The following TMTC1 variants were observed in gnomAD, a reference collection of about 807,000 sequenced individuals.
The protein encoded by TMTC1 is transmembrane O-mannosyltransferase targeting cadherins 1.
A neutral mutation model predicts 104.8 loss-of-function variants in TMTC1; 73 were observed. The observed-to-expected ratio is 0.70, with a 90% CI of 0.58 to 0.85. The LOEUF (loss-of-function observed/expected upper bound fraction) is 0.85, where lower values mean the gene tolerates loss of function less well. TMTC1 is among the 40% of genes least tolerant of loss of function. TMTC1 has a pLI of 0.00. For missense variants in TMTC1, 1,035 were observed against 1,096.1 expected, an observed-to-expected ratio of 0.94 and a Z score of 0.79; for synonymous variants, 434 against 428.7, an observed-to-expected ratio of 1.01 and a Z score of -0.15.
At chr12:29,567,162 A>G (rs1395015188) in intron 9 of TMTC1, among the ~76,000 whole-genome samples, 1 of 152,176 alleles carries the variant, frequency 6.6e-6, no homozygotes, top group Non-Finnish European at 1.5e-5. Context: ...ATTCTACTCA[A>G]CATCTCCTTT....
chr12:29,522,474 T>C (rs299431), intron 11 of TMTC1, among the ~76,000 whole-genome samples: 46,261 of 152,088 alleles, frequency 0.3, 7,295 homozygotes, highest in African/African-American at 0.33. Context: ...AATTTAAAGA[T>C]GAATTAAAGT....
At position 29,502,563 on chromosome 12, in the gene TMTC1, A is replaced by T. The variant is rs368472731; in HGVS notation, c.*4283T>A. ...TGAGAACGAGGAATTGTGTCATTTT[A>T]AGGCCAAATTGCAGTCCAATTGCCA... is the stretch of plus-strand genomic sequence containing the variant. On this transcript the variant is annotated 3_prime_UTR_variant, in exon 18 of 18. Coordinates refer to ENST00000539277, the MANE Select transcript of TMTC1 (RefSeq NM_001193451.2). The T allele has an allele frequency of 1.4e-4, 22 of 152,308 alleles. No individual in the cohort carries two copies. In the South Asian group the frequency reaches 2.1e-3, roughly 14 times the overall value. 9.4% of individuals were successfully genotyped at this position (152,308 alleles called of 1,614,324 possible).
At chr12:29,642,292 G>C (rs1565731726) in intron 5 of TMTC1, among the ~76,000 whole-genome samples, 1 of 152,138 alleles carries the variant, frequency 6.6e-6, no homozygotes. Context: ...TTGTCATCAG[G>C]TTATCCAAAG....
At chr12:29,623,633 C>T (rs377298721) in intron 6 of TMTC1, among the ~76,000 whole-genome samples, 28 of 151,968 alleles carry the variant, frequency 1.8e-4, no homozygotes, top group South Asian at 4.1e-4. Context: ...GCCAACTTGG[C>T]GAAACCCTGT....
intron 8 of TMTC1, among the ~76,000 whole-genome samples, chr12:29,579,998 A>G: frequency 6.6e-6 from 1 of 152,166 alleles, no homozygotes; most frequent in East Asian, 1.9e-4. Context: ...CTCTGATAAT[A>G]CACAAGTGCT....
chr12:29,659,858 T>TA lies in TMTC1; in HGVS notation c.939-26523dup, dbSNP rs112566586. ...AAATTATCTAATAAATACCAAGTTT[T>TA]AAAAAAATTATTTATACTAACCTCG... On this transcript the variant is annotated intron_variant, in intron 5 of 17. Coordinates refer to ENST00000539277, the MANE Select transcript of TMTC1 (RefSeq NM_001193451.2). The TA allele has an allele frequency of 1.2e-3, 1,799 of 1,499,018 alleles. 31 individuals carry two copies. The African/African-American group carries it at 0.023, about 19-fold the overall frequency. The allele number at this position is 1,499,018 out of a possible 1,614,324, so 92.9% of individuals were successfully genotyped here.
At chr12:29,643,794 T>TA (rs1939075577) in intron 5 of TMTC1, among the ~76,000 whole-genome samples, 1 of 55,618 alleles carries the variant, frequency 1.8e-5, no homozygotes, top group African/African-American at 5.8e-5. Context: ...TATATATTTA[T>TA]ATACATATTT....
rs1244269616 is a variant in TMTC1 at position 29,758,775 on chromosome 12, C to CAAGG, written c.482_483insCCTT (p.Ala162LeufsTer73). ...CGTCCGCTCTGCCAACGATCCCAGC[C>CAAGG]ACCTTGGAAGTTAAAATAATAAAAA... On this transcript the variant is annotated frameshift_variant and splice_region_variant, in exon 3 of 18. Coordinates refer to ENST00000539277, the MANE Select transcript of TMTC1 (RefSeq NM_001193451.2). LOFTEE classifies it high-confidence loss of function. 1 of 1,603,056 alleles carries CAAGG rather than the reference C, an allele frequency of 6.2e-7. No individual in the cohort carries two copies. The highest frequency in any genetic ancestry group is 8.5e-7 in the Non-Finnish European group (1 of 1,176,106).
intron 5 of TMTC1, among the ~76,000 whole-genome samples, chr12:29,704,599 C>A (rs1310014925): frequency 6.6e-6 from 1 of 152,168 alleles, no homozygotes; most frequent in Non-Finnish European, 1.5e-5. Flanking sequence ...GAGGCCTAAT[C>A]TAATACACTG....
At chr12:29,558,528 G>A (rs1249551235) in intron 9 of TMTC1, among the ~76,000 whole-genome samples, 1 of 152,100 alleles carries the variant, frequency 6.6e-6, no homozygotes, top group East Asian at 1.9e-4. Context: ...ATATTTCCAG[G>A]AAGGCACTCT....
At chr12:29,698,344 T>C (rs942879760) in intron 5 of TMTC1, among the ~76,000 whole-genome samples, 7 of 152,220 alleles carry the variant, frequency 4.6e-5, no homozygotes, top group Non-Finnish European at 1.0e-4. Context: ...ATTGGGTTAA[T>C]GGGTGATCAC....
At chr12:29,600,008 A>ATATATATATATATTT (rs59108744) in intron 7 of TMTC1, among the ~76,000 whole-genome samples, 4 of 118,686 alleles carry the variant, frequency 3.4e-5, no homozygotes, top group African/African-American at 1.5e-4. Context: ...ATATATATAT[A>ATATATATATATATTT]TTTTTTTTTT....
rs1319894607 is a variant in TMTC1 at position 29,583,340 on chromosome 12, G to T, written c.1418+67C>A. ...CTGCCAGGCCCATGTTACCTCATTT[G>T]TTTGGAAACAATTTGTAAGCAAAGA... On this transcript the variant is annotated intron_variant, in intron 8 of 17. Coordinates refer to ENST00000539277, the MANE Select transcript of TMTC1 (RefSeq NM_001193451.2). 4 of 1,508,090 alleles carry T rather than the reference G, an allele frequency of 2.7e-6. No individual in the cohort carries two copies. In the East Asian group the frequency reaches 7.0e-5, roughly 26 times the overall value. The allele number at this position is 1,508,090 out of a possible 1,614,324, so 93.4% of individuals were successfully genotyped here. A position where few individuals can be genotyped will look rare whatever the true frequency, so the allele number is the denominator to read the frequency against.
At chr12:29,518,695 T>C in intron 12 of TMTC1, 88 bp from the exon 13 acceptor site, 1 of 1,494,462 alleles carries the variant, frequency 6.7e-7, no homozygotes, top group Non-Finnish European at 9.0e-7. Context: ...CTTATAATTC[T>C]TTCTCATTAT....
intron 5 of TMTC1, among the ~76,000 whole-genome samples, chr12:29,742,786 A>C (rs193265171): frequency 5.9e-5 from 9 of 152,302 alleles, no homozygotes; most frequent in Middle Eastern, 3.4e-3. Context: ...TTATCCTCTT[A>C]AACTTTGATG....
chr12:29,770,481 T>G (rs1391093507), intron 1 of TMTC1, among the ~76,000 whole-genome samples: 1 of 152,164 alleles, frequency 6.6e-6, no homozygotes, highest in Non-Finnish European at 1.5e-5. Context: ...TGCACCTAAT[T>G]CCATCTGTGG....
intron 5 of TMTC1, among the ~76,000 whole-genome samples, chr12:29,688,658 T>G (rs1941172084): frequency 6.6e-6 from 1 of 152,262 alleles, no homozygotes; most frequent in African/African-American, 2.4e-5. Flanking sequence ...AGCAGCTACC[T>G]ATGGGTGTTT....
At chr12:29,733,625 T>C (rs572715100) in intron 5 of TMTC1, among the ~76,000 whole-genome samples, 10 of 152,320 alleles carry the variant, frequency 6.6e-5, no homozygotes, top group East Asian at 5.8e-4. Context: ...CAGCTTTTGA[T>C]AAAAATTTCC....
chr12:29,720,284 A>G (rs1280152518), intron 5 of TMTC1, among the ~76,000 whole-genome samples: 1 of 152,200 alleles, frequency 6.6e-6, no homozygotes, highest in Non-Finnish European at 1.5e-5. Flanking sequence ...CATATTCCAT[A>G]ATCAGTGGGA....
Sources: allele counts gnomAD v4.1 joint callset (sites outside exome capture counted in the v4.1 genomes callset), GRCh38; gene constraint gnomAD v4.1.1; transcripts MANE v1.5; gene names NCBI Gene and HGNC (gene_info 2026-07-23, HGNC 2026-07-21).